PLCL1: variants seen among roughly 807,000 people sequenced by gnomAD.
PLCL1 encodes the protein phospholipase C like 1 (inactive).
Under a neutral mutation model 84.4 loss-of-function variants are expected in PLCL1, and 41 were observed. The observed-to-expected ratio is 0.49, with a 90% CI of 0.38 to 0.63. The LOEUF is 0.63. Ranked by LOEUF, PLCL1 falls within the 30% of genes least tolerant of loss-of-function variation. The pLI is 0.00. For missense variants in PLCL1, 1,206 were observed against 1,367.8 expected (o/e 0.88, Z 1.87); for synonymous variants, 490 against 488.3 (o/e 1.00, Z -0.05).
At chr2:198,091,300 T>G (rs1386861747) in intron 3 of PLCL1, among the ~76,000 whole-genome samples, 1 of 152,186 alleles carries the variant, frequency 6.6e-6, no homozygotes, top group African/African-American at 2.4e-5. Context: ...TGCATTGTAT[T>G]GGTTGGCATC....
intron 4 of PLCL1, among the ~76,000 whole-genome samples, 170 bp downstream of exon 4, chr2:198,101,530 A>G (rs1693335969): frequency 6.6e-6 from 1 of 151,950 alleles, no homozygotes; most frequent in African/African-American, 2.4e-5. Flanking sequence ...TGTTTAGTAC[A>G]GATGAAATCC....
At position 197,917,847 on chromosome 2, in the gene PLCL1, A is replaced by G. The variant is rs1025428933; in HGVS notation, c.240+112508A>G. Among the ~76,000 whole-genome samples, 6 of 152,236 alleles carry G rather than the reference A, an allele frequency of 3.9e-5. No individual in the cohort carries two copies. The East Asian group carries it at 1.2e-3, about 29-fold the overall frequency. The stretch of plus-strand genomic sequence containing the variant: ...ACAAACAAATCCACAAGAATGGGTT[A>G]TATCAAAGGGACCCAGGAGCCAACT... On this transcript the variant is annotated intron_variant, in intron 1 of 5. Transcript: ENST00000428675.
At chr2:197,822,030 A>G (rs1422632423) in intron 1 of PLCL1, among the ~76,000 whole-genome samples, 1 of 152,160 alleles carries the variant, frequency 6.6e-6, no homozygotes, top group Non-Finnish European at 1.5e-5. Context: ...TGGCTTCAAA[A>G]TGATGTCTCA....
chr2:198,084,172 C>G lies in PLCL1; in HGVS notation c.655C>G (p.Arg219Gly), dbSNP rs771861039. ...GGCAAACATCTGGGTGTCTGGGTTACGGTACCTGGTTTCTCGAAGTAAGCA... is the reference window on the plus strand; with the variant it reads ...GGCAAACATCTGGGTGTCTGGGTTAGGGTACCTGGTTTCTCGAAGTAAGCA... ...DVANIWVSGL[R>G]YLVSRSKQPL... The change falls in exon 2 of 6, where the codon CGG becomes GGG. Residue 219 changes from arginine to glycine, a missense_variant. Coordinates refer to ENST00000428675, the MANE Select transcript of PLCL1 (RefSeq NM_006226.4). 60 of 1,613,936 alleles carry G rather than the reference C, an allele frequency of 3.7e-5. No homozygotes were observed. Among genetic ancestry groups the G allele is most frequent in the Non-Finnish European group, 4.9e-5 (58 of 1,179,996 alleles).
chr2:197,846,234 G>A (rs955730662), intron 1 of PLCL1, among the ~76,000 whole-genome samples: 1 of 152,102 alleles, frequency 6.6e-6, no homozygotes, highest in African/African-American at 2.4e-5. Flanking sequence ...ACATTTGGTG[G>A]AAGTATTTGA....
chr2:197,842,546 T>C (rs1301866491), intron 1 of PLCL1, among the ~76,000 whole-genome samples: 2 of 152,184 alleles, frequency 1.3e-5, no homozygotes, highest in African/African-American at 2.4e-5. Flanking sequence ...AGCTTCAAAA[T>C]TGAGAACTTT....
chr2:197,980,900 A>G (rs190778568), intron 1 of PLCL1, among the ~76,000 whole-genome samples: 7 of 152,310 alleles, frequency 4.6e-5, no homozygotes, highest in Admixed American at 1.3e-4. Flanking sequence ...TTGCAGTTAT[A>G]ATGGAGCTGA....
At chr2:198,027,552 C>T (rs1691300804) in intron 1 of PLCL1, among the ~76,000 whole-genome samples, 1 of 152,048 alleles carries the variant, frequency 6.6e-6, no homozygotes, top group Non-Finnish European at 1.5e-5. Flanking sequence ...TATTAGTTGG[C>T]TCAATTCAGC....
At chr2:197,930,969 A>C (rs1445868356) in intron 1 of PLCL1, among the ~76,000 whole-genome samples, 1 of 152,160 alleles carries the variant, frequency 6.6e-6, no homozygotes, top group Non-Finnish European at 1.5e-5. Context: ...CCTATTCTAC[A>C]TCAGTGCTGA....
intron 1 of PLCL1, among the ~76,000 whole-genome samples, chr2:197,937,239 G>A (rs944670632): frequency 6.6e-6 from 1 of 152,108 alleles, no homozygotes; most frequent in Non-Finnish European, 1.5e-5. Flanking sequence ...TCTTTTTCAA[G>A]ATTGTTTTTG....
At chr2:198,062,562 C>T (rs1574283186) in intron 1 of PLCL1, among the ~76,000 whole-genome samples, 2 of 152,232 alleles carry the variant, frequency 1.3e-5, no homozygotes, top group East Asian at 3.9e-4. Flanking sequence ...AATTCAAGTG[C>T]TGAAAAAACA....
intron 1 of PLCL1, among the ~76,000 whole-genome samples, chr2:197,818,130 G>A (rs926167178): frequency 3.3e-5 from 5 of 152,024 alleles, no homozygotes; most frequent in African/African-American, 1.2e-4. Context: ...ATTCTTCATG[G>A]TGGCACCTTC....
intron 1 of PLCL1, among the ~76,000 whole-genome samples, chr2:197,876,340 T>C (rs1687731188): frequency 6.6e-6 from 1 of 152,186 alleles, no homozygotes; most frequent in South Asian, 2.1e-4. Context: ...GAAGGTCTTT[T>C]GGAGGAGGGG....
At chr2:197,900,894 C>G (rs1320681482) in intron 1 of PLCL1, among the ~76,000 whole-genome samples, 1 of 152,130 alleles carries the variant, frequency 6.6e-6, no homozygotes, top group Non-Finnish European at 1.5e-5. Flanking sequence ...TCAAGGCTTT[C>G]CTGTCTACAG....
At chr2:198,132,198 G>A (rs995494179) in intron 5 of PLCL1, among the ~76,000 whole-genome samples, 1 of 152,128 alleles carries the variant, frequency 6.6e-6, no homozygotes, top group Non-Finnish European at 1.5e-5. Flanking sequence ...TTACTGCCTG[G>A]CATCAGGACA....
At position 198,122,362 on chromosome 2, in the gene PLCL1, C is replaced by G. The variant is rs545628278; in HGVS notation, c.3105+18426C>G. Among the ~76,000 whole-genome samples, 6 of 152,156 alleles carry G rather than the reference C, an allele frequency of 3.9e-5. No homozygotes were observed. In the South Asian group the frequency reaches 6.2e-4, roughly 16 times the overall value. On this transcript the variant is annotated intron_variant, in intron 5 of 5. Transcript: ENST00000428675. ...CTGAACTTTAGATTTTTTATATGATCTTTTCTTAAAATCTGGGTAACTTTT... is the reference window on the plus strand; with the variant it reads ...CTGAACTTTAGATTTTTTATATGATGTTTTCTTAAAATCTGGGTAACTTTT...
At chr2:198,133,680 G>A (rs892810987) in intron 5 of PLCL1, among the ~76,000 whole-genome samples, 5 of 152,110 alleles carry the variant, frequency 3.3e-5, no homozygotes, top group Admixed American at 2.6e-4. Flanking sequence ...GAGTGAAGCT[G>A]TGGAAATGTT....
At chr2:198,081,351 T>G (rs1238560474) in intron 1 of PLCL1, among the ~76,000 whole-genome samples, 1 of 152,186 alleles carries the variant, frequency 6.6e-6, no homozygotes, top group African/African-American at 2.4e-5. Context: ...ATTCACAGTT[T>G]TCTTCTTTAT....
chr2:198,056,904 A>G (rs920053030), intron 1 of PLCL1, among the ~76,000 whole-genome samples: 3 of 152,168 alleles, frequency 2.0e-5, no homozygotes, highest in Non-Finnish European at 2.9e-5. Context: ...GATGAATTCC[A>G]TTTCAATCAA....
Sources: gnomAD v4.1 joint callset for allele counts (sites outside exome capture counted in the v4.1 genomes callset) on GRCh38, gnomAD v4.1.1 for gene constraint, MANE v1.5 for transcripts, NCBI Gene and HGNC (gene_info 2026-07-23, HGNC 2026-07-21) for gene names.